The following CCDC9B variants were observed in gnomAD, a reference collection of about 807,000 sequenced individuals.
CCDC9B encodes the protein coiled-coil domain containing 9B.
Under a neutral mutation model 47.2 loss-of-function variants are expected in CCDC9B, and 40 were observed. That is an observed-to-expected ratio of 0.85 (90% CI 0.66 to 1.10). The LOEUF is 1.10. Ranked by LOEUF, CCDC9B falls within the 50% of genes least tolerant of loss-of-function variation. The pLI, the probability that CCDC9B is intolerant of heterozygous loss-of-function variation, is 0.00. For synonymous variants in CCDC9B, 238 were observed against 250.7 expected (o/e 0.95, Z 0.48); for missense variants, 662 against 651.0 (o/e 1.02, Z -0.18).
chr15:40,331,650 A>G lies in CCDC9B; in HGVS notation c.*3508T>C, dbSNP rs1191358238. On this transcript the variant is annotated 3_prime_UTR_variant, in exon 11 of 11. Coordinates refer to ENST00000397536, the MANE Select transcript of CCDC9B (RefSeq NM_207380.3). Reference sequence around the variant, plus strand: ...GTTCAGGGTGGTATGGCCGTAGACTATTTTGGATACCCTTATCTTTAATTT... The same window carrying G: ...GTTCAGGGTGGTATGGCCGTAGACTGTTTTGGATACCCTTATCTTTAATTT... The G allele has an allele frequency of 3.3e-5, 5 of 152,326 alleles. No homozygotes were observed. The highest frequency in any genetic ancestry group is 5.9e-5 in the Non-Finnish European group (4 of 67,994). 9.4% of individuals were successfully genotyped at this position (152,326 alleles called of 1,614,324 possible).
At chr15:40,336,516 T>C (rs1488982714) in intron 9 of CCDC9B, 58 bp downstream of exon 9, 36 of 1,590,632 alleles carry the variant, frequency 2.3e-5, no homozygotes, top group Non-Finnish European at 2.9e-5. Context: ...CCTGTACTGG[T>C]CCAGGAAATT....
chr15:40,331,527 C>A lies in CCDC9B; in HGVS notation c.*3631G>T, dbSNP rs1384764971. On this transcript the variant is annotated 3_prime_UTR_variant, in exon 11 of 11. Transcript: ENST00000397536. Reference sequence around the variant, plus strand: ...TCTGTGTGCCACGCTACTGTTAAGACAGAGTCCAACTCCAACTGCGGGCAG... The same window carrying A: ...TCTGTGTGCCACGCTACTGTTAAGAAAGAGTCCAACTCCAACTGCGGGCAG... 1 of 152,000 alleles carries A rather than the reference C, an allele frequency of 6.6e-6. No individual in the cohort carries two copies. Among genetic ancestry groups the A allele is most frequent in the Non-Finnish European group, 1.5e-5 (1 of 67,944 alleles). The allele number at this position is 152,000 out of a possible 1,614,324, so 9.4% of individuals were successfully genotyped here. A position where few individuals can be genotyped will look rare whatever the true frequency, so the allele number is the denominator to read the frequency against.
In CCDC9B at chr15:40,336,789, T is replaced by A. The variant is rs760221617; in HGVS notation, c.767A>T (p.Gln256Leu). ...TCCATCAGGGAGCAATGGTGGGGGC[T>A]GTAGTTTCTGGTGGCTCCTGGGACC... is the stretch of plus-strand genomic sequence containing the variant. ...RRGPRSHQKL[Q>L]PPPLLPDGKG... Residue 256 changes from glutamine (Q) to leucine (L), a missense_variant, in exon 8 of 11, where the codon CAG becomes CTG. Transcript: ENST00000397536. The A allele has an allele frequency of 2.5e-6, 4 of 1,598,284 alleles. No individual in the cohort carries two copies. Among genetic ancestry groups the A allele is most frequent in the Non-Finnish European group, 8.5e-7 (1 of 1,175,068 alleles).
At chr15:40,336,243 C>T in intron 9 of CCDC9B, 1 of 985,476 alleles carries the variant, frequency 1.0e-6, no homozygotes, top group Non-Finnish European at 1.2e-6. Flanking sequence ...CTGGGCCCAT[C>T]CTGGGTCCCC....
Position 40,336,790 on chromosome 15 carries a change from G to A in CCDC9B, c.766C>T (p.Gln256Ter). Residue 256 changes from glutamine (Q) to a stop codon, truncating the protein, a stop_gained, in exon 8 of 11, where the codon CAG (glutamine) becomes TAG (stop). Transcript: ENST00000397536. LOFTEE classifies it high-confidence loss of function. Reference sequence around the variant, plus strand: ...CCATCAGGGAGCAATGGTGGGGGCTGTAGTTTCTGGTGGCTCCTGGGACCT... The same window carrying A: ...CCATCAGGGAGCAATGGTGGGGGCTATAGTTTCTGGTGGCTCCTGGGACCT... ...RRGPRSHQKL[Q>*]PPPLLPDGKG... is the part of the protein sequence containing the mutation. 6.3e-7 allele frequency: 1 copy of A among 1,597,924 alleles called. No individual in the cohort carries two copies.
intron 9 of CCDC9B, 54 bp from the exon 10 acceptor site, chr15:40,335,880 T>TC: frequency 6.3e-7 from 1 of 1,578,752 alleles, no homozygotes; most frequent in Non-Finnish European, 8.6e-7. Context: ...CAGAGCCATG[T>TC]CCCCCTGCCT....
chr15:40,335,487 C>A lies in CCDC9B; in HGVS notation c.1144G>T (p.Gly382Trp). ...DLAPLDLSLGGAGIPGPRESG... is the reference protein window; with the variant it reads ...DLAPLDLSLGWAGIPGPRESG... ...TCCCTGGGCCCAGGGATGCCAGCCC[C>A]TCCTAGGGAGAGGTCAAGAGGAGCC... The change falls in exon 11 of 11, where the codon GGG becomes TGG. Residue 382 changes from glycine (G) to tryptophan (W), a missense_variant. Gly to Trp is a radical substitution (Grantham distance 184). Transcript: ENST00000397536. 6.3e-7 allele frequency: 1 copy of A among 1,586,942 alleles called. No individual in the cohort carries two copies. The highest frequency in any genetic ancestry group is 1.1e-5 in the South Asian group (1 of 88,716).
In CCDC9B at chr15:40,335,128, C is replaced by T. The variant is rs762359041; in HGVS notation, c.*30G>A. ...CAGAGTGATTCCCTTTTCCTCTCCC[C>T]GGGGACTCCCCAGCTCCCAGGAGCT... On this transcript the variant is annotated 3_prime_UTR_variant, in exon 11 of 11. Coordinates refer to ENST00000397536, the MANE Select transcript of CCDC9B (RefSeq NM_207380.3). The T allele has an allele frequency of 1.3e-5, 19 of 1,481,272 alleles. No individual in the cohort carries two copies. The highest frequency in any genetic ancestry group is 4.6e-5 in the Admixed American group (2 of 43,290). The allele number at this position is 1,481,272 out of a possible 1,614,324, so 91.8% of individuals were successfully genotyped here.
In CCDC9B at chr15:40,337,370, A is replaced by AG; in HGVS notation, c.742+17dup. 1 of 1,610,920 alleles carries AG rather than the reference A, an allele frequency of 6.2e-7. No homozygotes were observed. Among genetic ancestry groups the AG allele is most frequent in the Non-Finnish European group, 8.5e-7 (1 of 1,177,266 alleles). On this transcript the variant is annotated intron_variant, in intron 7 of 10. Transcript: ENST00000397536. ...AACAAAGCCAAGGAGGGGAGGGATG[A>AG]GGTAGGTGTGGGCTCACCCCTTCTG...
chr15:40,336,160 C>T, intron 9 of CCDC9B: 1 of 985,430 alleles, frequency 1.0e-6, no homozygotes, highest in Non-Finnish European at 1.2e-6. Flanking sequence ...CAGAATGTGG[C>T]TCCAGGATGC....
In CCDC9B at chr15:40,337,852, C is replaced by T. The variant is rs762150025; in HGVS notation, c.555G>A (p.Pro185=). 37 of 1,607,812 alleles carry T rather than the reference C, an allele frequency of 2.3e-5. No individual in the cohort carries two copies. Among genetic ancestry groups the T allele is most frequent in the African/African-American group, 6.7e-5 (5 of 74,794 alleles). Reference sequence around the variant, plus strand: ...ACTGGGCATAGTCCCAGCCCGCCTCCGGGGGCTCCCCCACCGGCCGGCTCC... The same window carrying T: ...ACTGGGCATAGTCCCAGCCCGCCTCTGGGGGCTCCCCCACCGGCCGGCTCC... ...EPWSRPVGEP[P]EAGWDYAQWK... The change falls in exon 6 of 11, where the codon CCG becomes CCA. Residue 185 remains proline, a synonymous_variant. Coordinates refer to ENST00000397536, the MANE Select transcript of CCDC9B (RefSeq NM_207380.3).
At chr15:40,339,211 C>T (rs1457505686) in intron 3 of CCDC9B, 1 of 586,960 alleles carries the variant, frequency 1.7e-6, no homozygotes, top group African/African-American at 1.9e-5. Flanking sequence ...CTCTGTCCCC[C>T]ACTTCCTGCA....
chr15:40,340,622 C>T, intron 1 of CCDC9B, 186 bp downstream of exon 1: 1 of 621,900 alleles, frequency 1.6e-6, no homozygotes, highest in Non-Finnish European at 2.7e-6. Context: ...CTGGGCAAGC[C>T]ATGTCTCTGC....
At position 40,337,859 on chromosome 15, in the gene CCDC9B, TC is replaced by T. The variant is rs1426156072; in HGVS notation, c.547del (p.Glu183SerfsTer21). ...SWEPWSRPVG[E>X]PPEAGWDYAQ... is the part of the protein sequence containing the mutation. ...ATAGTCCCAGCCCGCCTCCGGGGGC[TC>T]CCCCACCGGCCGGCTCCAGGGCTCC... On this transcript the variant is annotated frameshift_variant, in exon 6 of 11. Transcript: ENST00000397536. LOFTEE classifies it high-confidence loss of function. 2 of 1,605,902 alleles carry T rather than the reference TC, an allele frequency of 1.2e-6. No individual in the cohort carries two copies. The highest frequency in any genetic ancestry group is 2.2e-5 in the East Asian group (1 of 44,768).
Position 40,331,455 on chromosome 15 carries a change from C to T in CCDC9B, c.*3703G>A, listed in dbSNP as rs1479875713. 2.1e-5 allele frequency: 3 copies of T among 145,046 alleles called. No individual in the cohort carries two copies. Among genetic ancestry groups the T allele is most frequent in the Admixed American group, 7.3e-5 (1 of 13,618 alleles). The allele number at this position is 145,046 out of a possible 1,614,324, so 9.0% of individuals were successfully genotyped here. A position where few individuals can be genotyped will look rare whatever the true frequency, so the allele number is the denominator to read the frequency against. On this transcript the variant is annotated 3_prime_UTR_variant, in exon 11 of 11. Transcript: ENST00000397536. Reference sequence around the variant, plus strand: ...TAGAAAACAAAGTAGACAGAGATCACACCAAATCGCTACTTCATTTATTCA... The same window carrying T: ...TAGAAAACAAAGTAGACAGAGATCATACCAAATCGCTACTTCATTTATTCA...
Position 40,337,383 on chromosome 15 carries a change from C to T in CCDC9B, c.742+5G>A. 1 of 1,612,196 alleles carries T rather than the reference C, an allele frequency of 6.2e-7. No individual in the cohort carries two copies. On this transcript the variant is annotated splice_donor_5th_base_variant and intron_variant, in intron 7 of 10. Coordinates refer to ENST00000397536, the MANE Select transcript of CCDC9B (RefSeq NM_207380.3). Reference sequence around the variant, plus strand: ...AGGGGAGGGATGAGGTAGGTGTGGGCTCACCCCTTCTGCTGCCTGCCCTGG... The same window carrying T: ...AGGGGAGGGATGAGGTAGGTGTGGGTTCACCCCTTCTGCTGCCTGCCCTGG...
At chr15:40,338,717 C>G in intron 4 of CCDC9B, 31 bp downstream of exon 4, 1 of 1,610,044 alleles carries the variant, frequency 6.2e-7, no homozygotes, top group Non-Finnish European at 8.5e-7. Flanking sequence ...GGCTGCCTGC[C>G]GATGCCTGCA....
chr15:40,336,817 C>T lies in CCDC9B; in HGVS notation c.743-4G>A, dbSNP rs757332488. On this transcript the variant is annotated splice_polypyrimidine_tract_variant and splice_region_variant and intron_variant, in intron 7 of 10. Coordinates refer to ENST00000397536, the MANE Select transcript of CCDC9B (RefSeq NM_207380.3). ...AGTTTCTGGTGGCTCCTGGGACCTG[C>T]GGGGGACAAAAGAAGTGGGGAAAGG... 3.0e-5 allele frequency: 47 copies of T among 1,589,284 alleles called. No individual in the cohort carries two copies. Among genetic ancestry groups the T allele is most frequent in the African/African-American group, 1.9e-4 (14 of 72,600 alleles).
Position 40,331,849 on chromosome 15 carries a change from C to G in CCDC9B, c.*3309G>C, listed in dbSNP as rs1285373181. ...TGCTTGTTCCACCCGGCCACACTGCCTGTCATCAAAACACATGTCTTTCTT... is the reference window on the plus strand; with the variant it reads ...TGCTTGTTCCACCCGGCCACACTGCGTGTCATCAAAACACATGTCTTTCTT... On this transcript the variant is annotated 3_prime_UTR_variant, in exon 11 of 11. Transcript: ENST00000397536. 1 of 152,620 alleles carries G rather than the reference C, an allele frequency of 6.6e-6. No individual in the cohort carries two copies. The allele number at this position is 152,620 out of a possible 1,614,324, so 9.5% of individuals were successfully genotyped here. A position where few individuals can be genotyped will look rare whatever the true frequency, so the allele number is the denominator to read the frequency against.
Sources: gnomAD v4.1 joint callset for allele counts on GRCh38, gnomAD v4.1.1 for gene constraint, MANE v1.5 for transcripts, NCBI Gene and HGNC (gene_info 2026-07-23, HGNC 2026-07-21) for gene names.